The following FBXO36 variants were observed in gnomAD, a reference collection of about 807,000 sequenced individuals.
FBXO36 encodes F-box protein 36, also known as F-box only protein 36.
A neutral mutation model predicts 17.0 loss-of-function variants in FBXO36; 18 were observed. The observed-to-expected ratio is 1.06, with a 90% CI of 0.73 to 1.57. FBXO36 has a LOEUF of 1.57. Ranked by LOEUF, FBXO36 falls within the 40% of genes most tolerant of loss-of-function variation. FBXO36 has a pLI of 0.00. For synonymous variants in FBXO36, 83 were observed against 85.3 expected, an observed-to-expected ratio of 0.97 and a Z score of 0.15; for missense variants, 229 against 221.9, an observed-to-expected ratio of 1.03 and a Z score of -0.20.
chr2:230,008,682 G>C lies in FBXO36; in HGVS notation c.379-2014G>C, dbSNP rs551350307. ...TGATATCCTGAAATGTACTGTGCTA[G>C]TAATGGGATAGTAATCCACATTGGT... is the stretch of plus-strand genomic sequence containing the variant. On this transcript the variant is annotated intron_variant, in intron 3 of 3. Coordinates refer to ENST00000283946, the MANE Select transcript of FBXO36 (RefSeq NM_174899.5). Among the ~76,000 whole-genome samples the C allele has an allele frequency of 8.5e-5, 13 of 152,246 alleles. 1 individual carries two copies. The South Asian group carries it at 1.9e-3, about 22-fold the overall frequency.
At chr2:229,976,115 C>G in intron 1 of FBXO36, 126 bp from the exon 2 acceptor site, 1 of 608,232 alleles carries the variant, frequency 1.6e-6, no homozygotes, top group Non-Finnish European at 2.9e-6. Context: ...TGATGTGATG[C>G]CAGACTGCAA....
intron 1 of FBXO36, among the ~76,000 whole-genome samples, chr2:229,938,174 C>G (rs1053270726): frequency 7.0e-6 from 1 of 143,468 alleles, no homozygotes; most frequent in African/African-American, 2.6e-5. Context: ...GTAGAGATGG[C>G]GTGAGCCACC....
chr2:229,977,480 T>C (rs2077215443), intron 2 of FBXO36, among the ~76,000 whole-genome samples: 1 of 152,196 alleles, frequency 6.6e-6, no homozygotes, highest in African/African-American at 2.4e-5. Context: ...GATGGAGTTT[T>C]GCTCTTGTTG....
At chr2:230,001,564 A>G (rs965840229) in intron 3 of FBXO36, among the ~76,000 whole-genome samples, 3 of 152,178 alleles carry the variant, frequency 2.0e-5, no homozygotes, top group African/African-American at 4.8e-5. Context: ...CTGGGATTGC[A>G]GGCATGAGCC....
chr2:229,927,865 C>T (rs2076921193), intron 1 of FBXO36, among the ~76,000 whole-genome samples: 1 of 152,080 alleles, frequency 6.6e-6, no homozygotes, highest in South Asian at 2.1e-4. Context: ...GCATGCCAGC[C>T]TGTGACAGGA....
chr2:229,995,561 CCTTTCTTT>C lies in FBXO36; in HGVS notation c.206-1175_206-1168del, dbSNP rs71049610. On this transcript the variant is annotated intron_variant, in intron 2 of 3. Transcript: ENST00000283946. ...TTATATTTTTTCTCTTTCTTTCCTT[CCTTTCTTT>C]CTTTCTTTCTTTCTCTTTCTTTCTT... Among the ~76,000 whole-genome samples, 1,189 of 139,934 alleles carry C rather than the reference CCTTTCTTT, an allele frequency of 8.5e-3. 29 individuals carry two copies. Among genetic ancestry groups the C allele is most frequent in the African/African-American group, 0.029 (1,116 of 38,890 alleles). 91.8% of individuals were successfully genotyped at this position (139,934 alleles called of 152,430 possible).
intron 1 of FBXO36, among the ~76,000 whole-genome samples, chr2:229,928,044 C>G (rs948163350): frequency 6.6e-6 from 1 of 152,132 alleles, no homozygotes; most frequent in African/African-American, 2.4e-5. Flanking sequence ...ACCCTTTGAC[C>G]CAGCAAATCC....
intron 2 of FBXO36, among the ~76,000 whole-genome samples, chr2:229,986,237 C>T (rs1577355995): frequency 6.6e-6 from 1 of 152,200 alleles, no homozygotes; most frequent in East Asian, 1.9e-4. Flanking sequence ...ATGTAGCTCA[C>T]ACCTGTAATC....
chr2:229,924,702 CTGT>C (rs1174462923), intron 1 of FBXO36, among the ~76,000 whole-genome samples: 1 of 151,562 alleles, frequency 6.6e-6, no homozygotes, highest in Admixed American at 6.6e-5. Flanking sequence ...AAGAATAATT[CTGT>C]TGTTGGTGTT....
At chr2:229,997,032 C>A in intron 3 of FBXO36, 109 bp downstream of exon 3, 1 of 938,350 alleles carries the variant, frequency 1.1e-6, no homozygotes, top group Non-Finnish European at 1.6e-6. Context: ...TGGACACTGT[C>A]TTAGGTGCAC....
chr2:229,926,811 C>T (rs912180406), intron 1 of FBXO36, among the ~76,000 whole-genome samples: 5 of 151,162 alleles, frequency 3.3e-5, no homozygotes, highest in African/African-American at 9.7e-5. Context: ...GATTCTAATT[C>T]TTTGAAAACC....
chr2:229,950,667 A>G (rs1459641482), intron 1 of FBXO36, among the ~76,000 whole-genome samples: 2 of 152,220 alleles, frequency 1.3e-5, no homozygotes, highest in Non-Finnish European at 2.9e-5. Context: ...CAATGGCCGA[A>G]CAGTGGGTTT....
At chr2:229,987,955 T>G (rs1209277961) in intron 2 of FBXO36, among the ~76,000 whole-genome samples, 2 of 152,160 alleles carry the variant, frequency 1.3e-5, no homozygotes, top group African/African-American at 4.8e-5. Flanking sequence ...TTAGAGCCAT[T>G]TTTTCTCCTC....
intron 1 of FBXO36, among the ~76,000 whole-genome samples, chr2:229,970,571 T>C (rs1248669205): frequency 6.6e-6 from 1 of 152,144 alleles, no homozygotes; most frequent in African/African-American, 2.4e-5. Context: ...CTCTATGTAA[T>C]TGCAGCACCA....
chr2:230,011,092 T>C lies in FBXO36; in HGVS notation c.*208T>C. ...TCACCGTCATTCTGAGGTCAAATCA[T>C]GGCCCGAGGACAAGGGCTGTAAGAC... On this transcript the variant is annotated 3_prime_UTR_variant, in exon 4 of 4. Coordinates refer to ENST00000283946, the MANE Select transcript of FBXO36 (RefSeq NM_174899.5). The C allele has an allele frequency of 1.9e-6, 1 of 530,130 alleles. No individual in the cohort carries two copies. The highest frequency in any genetic ancestry group is 3.3e-6 in the Non-Finnish European group (1 of 301,436). The allele number at this position is 530,130 out of a possible 1,614,324, so 32.8% of individuals were successfully genotyped here.
intron 3 of FBXO36, among the ~76,000 whole-genome samples, chr2:230,006,793 C>T (rs1047926898): frequency 5.3e-5 from 8 of 152,280 alleles, no homozygotes; most frequent in East Asian, 1.9e-4. Context: ...AAGGCTCCCA[C>T]GGCCAGACCT....
chr2:230,004,368 A>T (rs1469252685), intron 3 of FBXO36, among the ~76,000 whole-genome samples: 6 of 152,196 alleles, frequency 3.9e-5, no homozygotes, highest in Admixed American at 3.9e-4. Context: ...GAATGCTTCC[A>T]TATCAATTTT....
chr2:229,965,629 G>GT (rs1553807373), intron 1 of FBXO36, among the ~76,000 whole-genome samples: 2 of 151,080 alleles, frequency 1.3e-5, no homozygotes, highest in African/African-American at 2.4e-5. Flanking sequence ...GCGGTGTTTG[G>GT]TTTTTTTGTC....
intron 2 of FBXO36, among the ~76,000 whole-genome samples, chr2:229,994,620 T>C (rs1323417851): frequency 6.6e-6 from 1 of 152,154 alleles, no homozygotes; most frequent in African/African-American, 2.4e-5. Flanking sequence ...TCAGGTTGAA[T>C]AGGGAAGGTG....
Sources: allele counts gnomAD v4.1 joint callset (sites outside exome capture counted in the v4.1 genomes callset), GRCh38; gene constraint gnomAD v4.1.1; transcripts MANE v1.5; gene names NCBI Gene and HGNC (gene_info 2026-07-23, HGNC 2026-07-21).